The following PACSIN1 variants were observed in gnomAD, a reference collection of about 807,000 sequenced individuals.
PACSIN1 encodes protein kinase C and casein kinase substrate in neurons protein 1.
Under a neutral mutation model 59.5 loss-of-function variants are expected in PACSIN1, and 15 were observed. That is an observed-to-expected ratio of 0.25 (90% CI 0.17 to 0.39). The LOEUF (loss-of-function observed/expected upper bound fraction) is 0.39, where lower values mean the gene tolerates loss of function less well. Among genes scored for constraint, PACSIN1 ranks in the 10% least tolerant of loss-of-function variants. The pLI, the probability that PACSIN1 is intolerant of heterozygous loss-of-function variation, is 1.00. For missense variants in PACSIN1, 420 were observed against 580.2 expected (o/e 0.72, Z 2.84); for synonymous variants, 210 against 220.6 (o/e 0.95, Z 0.42).
intron 1 of PACSIN1, among the ~76,000 whole-genome samples, chr6:34,490,973 T>G (rs1216756707): frequency 1.3e-5 from 2 of 152,086 alleles, no homozygotes; most frequent in Non-Finnish European, 2.9e-5. Context: ...GGCCAGCCCC[T>G]GATCCTCTGC....
At chr6:34,499,467 A>G (rs7745896) in intron 1 of PACSIN1, among the ~76,000 whole-genome samples, 1,538 of 151,726 alleles carry the variant, frequency 0.01, 25 homozygotes, top group African/African-American at 0.035. Flanking sequence ...AGACATAAAT[A>G]TAAGAACTAA....
At chr6:34,526,823 A>G (rs954313651) in intron 2 of PACSIN1, among the ~76,000 whole-genome samples, 4 of 152,170 alleles carry the variant, frequency 2.6e-5, no homozygotes, top group African/African-American at 9.7e-5. Context: ...ACCTTCGGAA[A>G]TATTTGAGAC....
chr6:34,520,297 G>T (rs1437971555), intron 1 of PACSIN1, among the ~76,000 whole-genome samples: 2 of 152,226 alleles, frequency 1.3e-5, no homozygotes, highest in Non-Finnish European at 2.9e-5. Flanking sequence ...GCGAGGAGTG[G>T]GTTGGGGGGC....
At chr6:34,489,238 T>C (rs932126841) in intron 1 of PACSIN1, among the ~76,000 whole-genome samples, 1 of 151,986 alleles carries the variant, frequency 6.6e-6, no homozygotes, top group Non-Finnish European at 1.5e-5. Flanking sequence ...TTTGAAATTG[T>C]GGAATGTCTA....
chr6:34,478,997 C>T (rs867682825), intron 1 of PACSIN1, among the ~76,000 whole-genome samples: 7 of 152,076 alleles, frequency 4.6e-5, no homozygotes, highest in Non-Finnish European at 7.4e-5. Flanking sequence ...AAGAGACAGA[C>T]GAGAGGCTGG....
intron 1 of PACSIN1, among the ~76,000 whole-genome samples, chr6:34,470,518 A>C (rs552379501): frequency 6.7e-6 from 1 of 150,358 alleles, no homozygotes; most frequent in East Asian, 2.0e-4. Context: ...ATATTGTTAT[A>C]ATTATTTTCT....
chr6:34,472,493 T>C (rs942587320), intron 1 of PACSIN1, among the ~76,000 whole-genome samples: 7 of 152,168 alleles, frequency 4.6e-5, no homozygotes, highest in African/African-American at 1.7e-4. Context: ...TTGCATTTTA[T>C]AAACAAATAT....
chr6:34,535,119 A>T lies in PACSIN1; in HGVS notation c.*2589A>T, dbSNP rs2127278817. 1 of 152,498 alleles carries T rather than the reference A, an allele frequency of 6.6e-6. No individual in the cohort carries two copies. Among genetic ancestry groups the T allele is most frequent in the Non-Finnish European group, 1.5e-5 (1 of 68,032 alleles). 9.4% of individuals were successfully genotyped at this position (152,498 alleles called of 1,614,324 possible). A position where few individuals can be genotyped will look rare whatever the true frequency, so the allele number is the denominator to read the frequency against. On this transcript the variant is annotated 3_prime_UTR_variant, in exon 10 of 10. Coordinates refer to ENST00000244458, the MANE Select transcript of PACSIN1 (RefSeq NM_020804.5). The stretch of plus-strand genomic sequence containing the variant: ...AGAAGTGCTGTGGTCTCAGCAATGC[A>T]CCTGTTTTGTACATGATTGTGTAAT...
At chr6:34,486,302 A>T (rs1581962181) in intron 1 of PACSIN1, among the ~76,000 whole-genome samples, 1 of 151,872 alleles carries the variant, frequency 6.6e-6, no homozygotes, top group African/African-American at 2.4e-5. Flanking sequence ...AGGGAGGAGG[A>T]GGTGTTGTAA....
chr6:34,504,038 T>C (rs1245658467), intron 1 of PACSIN1, among the ~76,000 whole-genome samples: 1 of 152,142 alleles, frequency 6.6e-6, no homozygotes, highest in Non-Finnish European at 1.5e-5. Flanking sequence ...TATTACCATA[T>C]ATATCTACAT....
At chr6:34,491,614 T>C (rs1410936630) in intron 1 of PACSIN1, among the ~76,000 whole-genome samples, 1 of 151,282 alleles carries the variant, frequency 6.6e-6, no homozygotes, top group African/African-American at 2.4e-5. Context: ...CATTTTCTTT[T>C]CTTTTTTTTT....
chr6:34,527,550 T>A, intron 3 of PACSIN1, 62 bp downstream of exon 3: 1 of 1,437,534 alleles, frequency 7.0e-7, no homozygotes, highest in Non-Finnish European at 9.3e-7. Flanking sequence ...TAGGTCTGGG[T>A]CCTAGGAGCC....
At chr6:34,497,662 C>T (rs1479393462) in intron 1 of PACSIN1, among the ~76,000 whole-genome samples, 2 of 152,196 alleles carry the variant, frequency 1.3e-5, no homozygotes, top group East Asian at 3.9e-4. Context: ...TGCCATCCGA[C>T]TCTGTGGTCT....
intron 3 of PACSIN1, among the ~76,000 whole-genome samples, chr6:34,528,277 C>T (rs1335423107): frequency 2.0e-5 from 3 of 152,250 alleles, no homozygotes; most frequent in Admixed American, 1.3e-4. Context: ...TCCTGGAGCA[C>T]CTACTGTGTG....
chr6:34,527,186 C>CA, intron 2 of PACSIN1, 146 bp from the exon 3 acceptor site: 3 of 664,850 alleles, frequency 4.5e-6, no homozygotes, highest in Admixed American at 2.4e-4. Context: ...CGCCGCGGGG[C>CA]GGGGGGCGGG....
At chr6:34,494,394 A>T (rs1254229500) in intron 1 of PACSIN1, among the ~76,000 whole-genome samples, 1 of 152,128 alleles carries the variant, frequency 6.6e-6, no homozygotes, top group African/African-American at 2.4e-5. Flanking sequence ...GGGGCCTTTT[A>T]AAAAGATTCT....
intron 1 of PACSIN1, among the ~76,000 whole-genome samples, chr6:34,497,303 T>C (rs1425949406): frequency 1.3e-5 from 2 of 152,162 alleles, no homozygotes; most frequent in African/African-American, 4.8e-5. Flanking sequence ...ATGGAATATA[T>C]AACTGACATT....
At chr6:34,509,160 T>C (rs191216814) in intron 1 of PACSIN1, among the ~76,000 whole-genome samples, 2 of 152,364 alleles carry the variant, frequency 1.3e-5, no homozygotes, top group Non-Finnish European at 2.9e-5. Flanking sequence ...TATGTTTAAG[T>C]TTTTAATCCA....
intron 1 of PACSIN1, among the ~76,000 whole-genome samples, chr6:34,520,345 G>C (rs968670120): frequency 3.9e-5 from 6 of 152,216 alleles, no homozygotes; most frequent in Admixed American, 6.5e-5. Flanking sequence ...GACCCTGGGG[G>C]ATAGGCAGGC....
Sources: allele counts gnomAD v4.1 joint callset (sites outside exome capture counted in the v4.1 genomes callset), GRCh38; gene constraint gnomAD v4.1.1; transcripts MANE v1.5; gene names NCBI Gene and HGNC (gene_info 2026-07-23, HGNC 2026-07-21).